TTI1: variants seen among roughly 807,000 people sequenced by gnomAD.
The protein encoded by TTI1 is TELO2-interacting protein 1 homolog.
Under a neutral mutation model 85.4 loss-of-function variants are expected in TTI1, and 52 were observed. The observed-to-expected ratio is 0.61, with a 90% CI of 0.49 to 0.77. TTI1 has a LOEUF of 0.77. Among genes scored for constraint, TTI1 ranks in the 30% least tolerant of loss-of-function variants. The pLI, the probability that TTI1 is intolerant of heterozygous loss-of-function variation, is 0.00. For missense variants in TTI1, 1,173 were observed against 1,296.0 expected (o/e 0.91, Z 1.46); for synonymous variants, 512 against 503.9 (o/e 1.02, Z -0.22).
intron 7 of TTI1, among the ~76,000 whole-genome samples, chr20:37,989,766 T>C (rs111900922): frequency 1.9e-3 from 287 of 152,370 alleles, no homozygotes; most frequent in African/African-American, 6.6e-3. Flanking sequence ...GCAGCCTAGG[T>C]AGGCTTGCCC....
At chr20:38,029,602 G>A (rs1048054486) in intron 1 of TTI1, among the ~76,000 whole-genome samples, 1 of 151,912 alleles carries the variant, frequency 6.6e-6, no homozygotes, top group Non-Finnish European at 1.5e-5. Context: ...AGAGAGAAGA[G>A]ACGAGACACT....
At chr20:37,987,629 ATC>A (rs2073209757) in intron 7 of TTI1, among the ~76,000 whole-genome samples, 1 of 152,198 alleles carries the variant, frequency 6.6e-6, no homozygotes, top group Non-Finnish European at 1.5e-5. Context: ...GCGAGTGATT[ATC>A]TCTCAATAAC....
intron 1 of TTI1, among the ~76,000 whole-genome samples, chr20:38,025,152 G>C (rs1223014810): frequency 6.6e-6 from 1 of 152,222 alleles, no homozygotes; most frequent in African/African-American, 2.4e-5. Context: ...CTAAACATTA[G>C]ACTAAACAGC....
chr20:37,988,492 T>C (rs769288271), intron 7 of TTI1, among the ~76,000 whole-genome samples: 11 of 152,242 alleles, frequency 7.2e-5, no homozygotes, highest in Non-Finnish European at 1.3e-4. Context: ...CCAGTGAAGC[T>C]AAATAAACTG....
In TTI1 at chr20:38,017,435, T is replaced by TGTGTGC. The variant is rs879610985; in HGVS notation, c.-41-3579_-41-3578insGCACAC. Among the ~76,000 whole-genome samples the TGTGTGC allele has an allele frequency of 3.0e-3, 436 of 146,214 alleles. 1 individual carries two copies. Among genetic ancestry groups the TGTGTGC allele is most frequent in the African/African-American group, 5.8e-3 (224 of 38,924 alleles). On this transcript the variant is annotated intron_variant, in intron 1 of 7. Coordinates refer to ENST00000373447, the MANE Select transcript of TTI1 (RefSeq NM_001303457.2). ...GTGTGTGTGTGTGTGTGTGTGTGTG[T>TGTGTGC]GCGCGCGCGCCTTTGGTGTGTGCGC...
chr20:38,012,750 C>G lies in TTI1; in HGVS notation c.1067G>C (p.Arg356Thr). ...EIQAQCNKVL[R>T]HFADQKVVVG... ...CACTACTTTTTGATCTGCAAAATGT[C>G]TCAGAACTTTATTGCACTGGGCTTG... Residue 356 changes from arginine (R) to threonine (T), a missense_variant, in exon 2 of 8, where the codon AGA becomes ACA. Physicochemically the swap from Arg to Thr is moderately conservative, Grantham distance 71. Coordinates refer to ENST00000373447, the MANE Select transcript of TTI1 (RefSeq NM_001303457.2). 1.2e-6 allele frequency: 2 copies of G among 1,614,180 alleles called. No individual in the cohort carries two copies. Among genetic ancestry groups the G allele is most frequent in the Non-Finnish European group, 1.7e-6 (2 of 1,180,030 alleles).
In TTI1 at chr20:38,012,361, T is replaced by C. The variant is rs776097829; in HGVS notation, c.1456A>G (p.Met486Val). The C allele has an allele frequency of 2.5e-6, 4 of 1,614,178 alleles. No homozygotes were observed. Among genetic ancestry groups the C allele is most frequent in the Non-Finnish European group, 1.7e-6 (2 of 1,180,038 alleles). The change falls in exon 2 of 8, where the codon ATG (methionine) becomes GTG (valine). Residue 486 changes from methionine to valine, a missense_variant. Coordinates refer to ENST00000373447, the MANE Select transcript of TTI1 (RefSeq NM_001303457.2). The part of the protein sequence containing the change: ...FRFFTDERIF[M>V]LLRQVCQLLG... The stretch of plus-strand genomic sequence containing the variant: ...AGCTGACAAACCTGCCTCAAGAGCA[T>C]GAAGATTCTCTCATCAGTGAAGAAG...
chr20:38,018,056 T>C (rs1445705507), intron 1 of TTI1, among the ~76,000 whole-genome samples: 1 of 152,228 alleles, frequency 6.6e-6, no homozygotes, highest in African/African-American at 2.4e-5. Context: ...GATTCTTTTA[T>C]ATAATGTTTG....
chr20:37,999,462 AAGCACTAGCT>A, intron 4 of TTI1, 134 bp from the exon 5 acceptor site: 1 of 958,882 alleles, frequency 1.0e-6, no homozygotes, highest in Non-Finnish European at 1.4e-6. Flanking sequence ...ACTACATGCC[AAGCACTAGCT>A]AGGTACTGAG....
In TTI1 at chr20:37,983,283, T is replaced by A; in HGVS notation, c.*173A>T. On this transcript the variant is annotated 3_prime_UTR_variant, in exon 8 of 8. Coordinates refer to ENST00000373447, the MANE Select transcript of TTI1 (RefSeq NM_001303457.2). Reference sequence around the variant, plus strand: ...GAAACATAAATAATAGTCAGCTACTTTCCTTCAATCCATTTCTAAGCAGTT... The same window carrying A: ...GAAACATAAATAATAGTCAGCTACTATCCTTCAATCCATTTCTAAGCAGTT... 1.6e-6 allele frequency: 1 copy of A among 632,540 alleles called. No homozygotes were observed. The highest frequency in any genetic ancestry group is 3.0e-5 in the East Asian group (1 of 32,926). 39.2% of individuals were successfully genotyped at this position (632,540 alleles called of 1,614,324 possible).
chr20:38,018,002 G>GA (rs1030990565), intron 1 of TTI1, among the ~76,000 whole-genome samples: 1 of 152,194 alleles, frequency 6.6e-6, no homozygotes, highest in African/African-American at 2.4e-5. Flanking sequence ...ATTAACAGAA[G>GA]AAAGGGGCAA....
intron 1 of TTI1, among the ~76,000 whole-genome samples, chr20:38,028,397 T>C (rs773576672): frequency 1.8e-4 from 27 of 152,228 alleles, no homozygotes; most frequent in Non-Finnish European, 2.5e-4. Context: ...CCAGATAAAG[T>C]AGACTTCAGA....
intron 7 of TTI1, among the ~76,000 whole-genome samples, chr20:37,993,237 G>GC (rs1415507440): frequency 9.6e-6 from 1 of 103,732 alleles, no homozygotes; most frequent in Non-Finnish European, 1.8e-5. Context: ...GAAGATTTAT[G>GC]CCCCCTCCAT....
At chr20:38,002,109 T>C (rs1168414503) in intron 4 of TTI1, among the ~76,000 whole-genome samples, 1 of 152,110 alleles carries the variant, frequency 6.6e-6, no homozygotes, top group East Asian at 1.9e-4. Context: ...CTAAAAGCCC[T>C]GCCCCCCACT....
At chr20:38,019,686 A>T (rs555259818) in intron 1 of TTI1, among the ~76,000 whole-genome samples, 1 of 152,406 alleles carries the variant, frequency 6.6e-6, no homozygotes, top group East Asian at 1.9e-4. Flanking sequence ...GATGGCAGAC[A>T]GAAGTCTGAA....
At chr20:38,019,174 T>C (rs1037532126) in intron 1 of TTI1, 10 of 149,526 alleles carry the variant, frequency 6.7e-5, no homozygotes, top group Admixed American at 4.0e-4. Context: ...AGGGTGAAAT[T>C]CAGATATTTA....
chr20:38,008,121 C>T (rs928544511), intron 2 of TTI1, among the ~76,000 whole-genome samples: 8 of 152,150 alleles, frequency 5.3e-5, no homozygotes, highest in African/African-American at 1.9e-4. Context: ...AGATCAAAAG[C>T]TTGGTAATAC....
At chr20:38,003,076 T>A (rs1337981036) in intron 3 of TTI1, among the ~76,000 whole-genome samples, 2 of 152,180 alleles carry the variant, frequency 1.3e-5, no homozygotes, top group Admixed American at 1.3e-4. Flanking sequence ...TCTTCCCACC[T>A]CAGCCTCCTG....
intron 1 of TTI1, among the ~76,000 whole-genome samples, chr20:38,017,442 G>GCGCA (rs1386958588): frequency 9.3e-4 from 141 of 152,060 alleles, no homozygotes; most frequent in African/African-American, 3.3e-3. Flanking sequence ...GTGTGCGCGC[G>GCGCA]CGCCTTTGGT....
Sources: allele counts gnomAD v4.1 joint callset (sites outside exome capture counted in the v4.1 genomes callset), GRCh38; gene constraint gnomAD v4.1.1; transcripts MANE v1.5; gene names NCBI Gene and HGNC (gene_info 2026-07-23, HGNC 2026-07-21).